PPA2: variants seen among roughly 807,000 people sequenced by gnomAD.
The protein encoded by PPA2 is inorganic pyrophosphatase 2, also known as inorganic pyrophosphatase 2, mitochondrial.
A neutral mutation model predicts 49.5 loss-of-function variants in PPA2; 48 were observed. The ratio of observed to expected loss-of-function variants is 0.97; its 90% CI spans 0.77 to 1.23. PPA2 has a LOEUF of 1.23. Ranked by LOEUF, PPA2 falls within the 50% of genes most tolerant of loss-of-function variation. The probability of loss-of-function intolerance (pLI) is 0.00; values close to 1 mark genes in which losing one functional copy is unlikely to be tolerated. For synonymous variants in PPA2, 131 were observed against 139.9 expected, an observed-to-expected ratio of 0.94 and a Z score of 0.45; for missense variants, 429 against 410.1, an observed-to-expected ratio of 1.05 and a Z score of -0.40.
chr4:105,405,491 T>G, intron 7 of PPA2: 3 of 911,434 alleles, frequency 3.3e-6, no homozygotes, highest in Non-Finnish European at 3.9e-6. Flanking sequence ...CTTTTAAACA[T>G]TTGGAATGGA....
intron 5 of PPA2, among the ~76,000 whole-genome samples, chr4:105,439,446 C>G (rs1724231772): frequency 6.6e-6 from 1 of 152,110 alleles, no homozygotes; most frequent in South Asian, 2.1e-4. Flanking sequence ...TAGAGAGGTT[C>G]TGTTCTTTCC....
chr4:105,454,455 C>T (rs1722801101), intron 2 of PPA2, among the ~76,000 whole-genome samples: 1 of 151,914 alleles, frequency 6.6e-6, no homozygotes, highest in Non-Finnish European at 1.5e-5. Flanking sequence ...CTCAGCCTCC[C>T]GAGTAGCTGG....
chr4:105,453,646 T>A lies in PPA2; in HGVS notation c.223-4A>T, dbSNP rs1464226092. The A allele has an allele frequency of 6.2e-7, 1 of 1,604,522 alleles. No homozygotes were observed. The highest frequency in any genetic ancestry group is 1.3e-5 in the African/African-American group (1 of 74,566). ...TCTTCATAGGAATGCCATTTTCCTATAAAAGAAAAGATGGTGAAAGACTGC... is the reference window on the plus strand; with the variant it reads ...TCTTCATAGGAATGCCATTTTCCTAAAAAAGAAAAGATGGTGAAAGACTGC... On this transcript the variant is annotated splice_region_variant and splice_polypyrimidine_tract_variant and intron_variant, in intron 2 of 11. Coordinates refer to ENST00000341695, the MANE Select transcript of PPA2 (RefSeq NM_176869.3).
chr4:105,400,331 A>G (rs998730784), intron 7 of PPA2, among the ~76,000 whole-genome samples: 1 of 152,134 alleles, frequency 6.6e-6, no homozygotes, highest in Admixed American at 6.6e-5. Context: ...TAGAAATGCA[A>G]TTTAATCAAT....
intron 6 of PPA2, among the ~76,000 whole-genome samples, chr4:105,427,690 A>G (rs2713837): frequency 0.61 from 92,073 of 151,998 alleles, 27,904 homozygotes; most frequent in East Asian, 0.68. Flanking sequence ...CAAGAAATAT[A>G]GGACTATGTG....
At chr4:105,389,217 G>A (rs1432987236) in intron 9 of PPA2, among the ~76,000 whole-genome samples, 1 of 151,994 alleles carries the variant, frequency 6.6e-6, no homozygotes, top group Non-Finnish European at 1.5e-5. Flanking sequence ...AAAAATAGTT[G>A]TTTAACATTG....
chr4:105,427,599 A>C (rs1021043115), intron 6 of PPA2, among the ~76,000 whole-genome samples: 2 of 152,168 alleles, frequency 1.3e-5, no homozygotes, highest in African/African-American at 4.8e-5. Context: ...ACAGGATATC[A>C]GTGACTGAAG....
chr4:105,434,360 T>A (rs1257954939), intron 6 of PPA2, among the ~76,000 whole-genome samples: 1 of 152,338 alleles, frequency 6.6e-6, no homozygotes, highest in South Asian at 2.1e-4. Context: ...GCTATACTGG[T>A]TAATTCACAC....
intron 10 of PPA2, among the ~76,000 whole-genome samples, chr4:105,380,203 CT>C (rs35555927): frequency 0.37 from 56,892 of 151,918 alleles, 12,615 homozygotes; most frequent in East Asian, 0.68. Context: ...TTTATGCCTA[CT>C]TCTTCTTCAG....
chr4:105,395,884 A>G lies in PPA2; in HGVS notation c.869+365T>C, dbSNP rs570230241. Among the ~76,000 whole-genome samples, 47 of 152,246 alleles carry G rather than the reference A, an allele frequency of 3.1e-4. 3 individuals carry two copies. The South Asian group carries it at 8.7e-3, about 28-fold the overall frequency. Reference sequence around the variant, plus strand: ...TTACTTAATTCCTCTTAATCAATCAATTAGTGATCATGATGAATAAGGAGG... The same window carrying G: ...TTACTTAATTCCTCTTAATCAATCAGTTAGTGATCATGATGAATAAGGAGG... On this transcript the variant is annotated intron_variant, in intron 9 of 11. Transcript: ENST00000341695.
At chr4:105,452,515 C>G (rs1360869229) in intron 3 of PPA2, among the ~76,000 whole-genome samples, 2 of 152,172 alleles carry the variant, frequency 1.3e-5, no homozygotes, top group Non-Finnish European at 2.9e-5. Flanking sequence ...GAATTTTTAA[C>G]AAGCACTCTA....
chr4:105,392,231 A>G (rs1264479636), intron 9 of PPA2, among the ~76,000 whole-genome samples: 1 of 152,144 alleles, frequency 6.6e-6, no homozygotes, highest in African/African-American at 2.4e-5. Flanking sequence ...TAGATTTCAG[A>G]GTAAACATCC....
intron 10 of PPA2, among the ~76,000 whole-genome samples, chr4:105,382,557 A>T (rs1483953579): frequency 6.6e-6 from 1 of 152,216 alleles, no homozygotes; most frequent in Non-Finnish European, 1.5e-5. Flanking sequence ...ACAAACACAC[A>T]TTCTTTGTTC....
intron 2 of PPA2, 35 bp downstream of exon 2, chr4:105,456,646 C>T (rs1203663546): frequency 1.3e-6 from 2 of 1,514,034 alleles, no homozygotes; most frequent in East Asian, 2.3e-5. Context: ...ACTGGCAGTA[C>T]ACGTTTTCAT....
At chr4:105,396,749 T>C (rs1734166342) in intron 8 of PPA2, among the ~76,000 whole-genome samples, 1 of 152,154 alleles carries the variant, frequency 6.6e-6, no homozygotes, top group South Asian at 2.1e-4. Flanking sequence ...ATATTTTCTA[T>C]ATGACCCATT....
At chr4:105,471,405 G>A (rs1358614378) in intron 1 of PPA2, among the ~76,000 whole-genome samples, 1 of 151,964 alleles carries the variant, frequency 6.6e-6, no homozygotes, top group African/African-American at 2.4e-5. Context: ...TGATTTTACT[G>A]AATGACAGTA....
intron 1 of PPA2, among the ~76,000 whole-genome samples, chr4:105,468,132 AC>A (rs1382708938): frequency 1.1e-4 from 16 of 152,206 alleles, no homozygotes; most frequent in Non-Finnish European, 1.6e-4. Flanking sequence ...TCATACTTTT[AC>A]TGTCCATGGC....
chr4:105,426,311 G>A (rs1560625551), intron 6 of PPA2, among the ~76,000 whole-genome samples: 1 of 152,182 alleles, frequency 6.6e-6, no homozygotes, highest in African/African-American at 2.4e-5. Flanking sequence ...GAGGTACCTG[G>A]TTCATCTCAT....
At chr4:105,409,846 A>G (rs1722669629) in intron 7 of PPA2, among the ~76,000 whole-genome samples, 1 of 152,238 alleles carries the variant, frequency 6.6e-6, no homozygotes, top group Admixed American at 6.5e-5. Context: ...AAACTAACTA[A>G]CAGAAAGGAA....
Sources: allele counts gnomAD v4.1 joint callset (sites outside exome capture counted in the v4.1 genomes callset), GRCh38; gene constraint gnomAD v4.1.1; transcripts MANE v1.5; gene names NCBI Gene and HGNC (gene_info 2026-07-23, HGNC 2026-07-21).